Variants in CDC42BPA observed in about 807,000 individuals in gnomAD.
CDC42BPA encodes the protein CDC42 binding protein kinase alpha, also known as serine/threonine-protein kinase MRCK alpha.
In CDC42BPA, 80 loss-of-function variants were observed where a neutral mutation model predicts 223.5. That is an observed-to-expected ratio of 0.36 (90% confidence interval 0.30 to 0.43). The LOEUF is 0.43. Ranked by LOEUF, CDC42BPA falls within the 20% of genes least tolerant of loss-of-function variation. CDC42BPA has a pLI of 1.00. For synonymous variants in CDC42BPA, 694 were observed against 718.6 expected, an observed-to-expected ratio of 0.97 and a Z score of 0.55; for missense variants, 1,743 against 2,099.9, an observed-to-expected ratio of 0.83 and a Z score of 3.32.
At chr1:227,124,780 T>C (rs1417796536) in intron 11 of CDC42BPA, among the ~76,000 whole-genome samples, 1 of 152,150 alleles carries the variant, frequency 6.6e-6, no homozygotes, top group Non-Finnish European at 1.5e-5. Flanking sequence ...CCACTGAAGA[T>C]AGGTATGTTG....
At chr1:227,210,896 A>T (rs11810417) in intron 3 of CDC42BPA, among the ~76,000 whole-genome samples, 4,541 of 152,270 alleles carry the variant, frequency 0.03, 199 homozygotes, top group African/African-American at 0.1. Context: ...TAGTAGAGGC[A>T]GGTGTATAAA....
intron 1 of CDC42BPA, among the ~76,000 whole-genome samples, chr1:227,276,279 C>G (rs1244521213): frequency 1.3e-5 from 2 of 150,928 alleles, no homozygotes; most frequent in East Asian, 4.0e-4. Context: ...TGAGGAGCGT[C>G]TCTGCCCGAC....
At chr1:227,220,571 T>C (rs906251365) in intron 2 of CDC42BPA, among the ~76,000 whole-genome samples, 5 of 152,028 alleles carry the variant, frequency 3.3e-5, no homozygotes, top group African/African-American at 1.2e-4. Context: ...AACTATCCCA[T>C]TCCTGTCCTA....
At chr1:227,162,954 A>G (rs114999074) in intron 5 of CDC42BPA, among the ~76,000 whole-genome samples, 4 of 149,258 alleles carry the variant, frequency 2.7e-5, no homozygotes, top group Admixed American at 6.7e-5. Context: ...CCAAACATAT[A>G]TGTTTCCAAA....
chr1:227,315,511 G>A (rs1694228958), intron 1 of CDC42BPA, among the ~76,000 whole-genome samples: 1 of 151,532 alleles, frequency 6.6e-6, no homozygotes, highest in Non-Finnish European at 1.5e-5. Flanking sequence ...AGACTAGAGT[G>A]TCATTAAGGA....
intron 2 of CDC42BPA, among the ~76,000 whole-genome samples, chr1:227,247,007 C>A (rs911837040): frequency 6.6e-6 from 1 of 151,978 alleles, no homozygotes. Context: ...TCGAGACCAG[C>A]CTGGCCAACA....
intron 1 of CDC42BPA, among the ~76,000 whole-genome samples, chr1:227,258,173 C>CG (rs199606107): frequency 2.1e-4 from 19 of 89,780 alleles, no homozygotes; most frequent in African/African-American, 3.7e-4. Flanking sequence ...AAACCCTGTC[C>CG]GGGAAAAAAA....
At chr1:227,201,481 T>C (rs1036645506) in intron 3 of CDC42BPA, among the ~76,000 whole-genome samples, 1 of 152,170 alleles carries the variant, frequency 6.6e-6, no homozygotes, top group Non-Finnish European at 1.5e-5. Flanking sequence ...TGTAATACAT[T>C]AACTAAAAAG....
At chr1:227,164,442 AT>A (rs1191691387) in intron 5 of CDC42BPA, among the ~76,000 whole-genome samples, 1 of 152,210 alleles carries the variant, frequency 6.6e-6, no homozygotes, top group Non-Finnish European at 1.5e-5. Context: ...GTTATGAATT[AT>A]TTTCCACAGA....
In CDC42BPA at chr1:227,091,964, A is replaced by G; in HGVS notation, c.2277T>C (p.Ser759=). 2 of 1,604,480 alleles carry G rather than the reference A, an allele frequency of 1.2e-6. No homozygotes were observed. Among genetic ancestry groups the G allele is most frequent in the Non-Finnish European group, 1.7e-6 (2 of 1,175,122 alleles). Residue 759 remains serine (S), a synonymous_variant, in exon 16 of 37, where the codon AGT becomes AGC. Coordinates refer to ENST00000366766, the MANE Select transcript of CDC42BPA (RefSeq NM_001394014.1). The part of the protein sequence containing the change: ...ESQSEREEFE[S]EFKQQYEREK... ...CTCGTTCATATTGTTGTTTGAACTCACTTTCAAATTCCTCCCTTTCACTTT... is the reference window on the plus strand; with the variant it reads ...CTCGTTCATATTGTTGTTTGAACTCGCTTTCAAATTCCTCCCTTTCACTTT...
At chr1:227,168,928 T>C (rs1352040505) in intron 5 of CDC42BPA, among the ~76,000 whole-genome samples, 1 of 152,154 alleles carries the variant, frequency 6.6e-6, no homozygotes, top group South Asian at 2.1e-4. Context: ...TACATGTACA[T>C]AAAACCTTGT....
chr1:227,201,104 C>T (rs796349447), intron 3 of CDC42BPA, among the ~76,000 whole-genome samples: 4 of 151,282 alleles, frequency 2.6e-5, no homozygotes, highest in African/African-American at 9.7e-5. Flanking sequence ...AAAGTATATC[C>T]CGAAGAACCT....
At chr1:227,079,627 A>G (rs568570933) in intron 17 of CDC42BPA, among the ~76,000 whole-genome samples, 13 of 152,248 alleles carry the variant, frequency 8.5e-5, no homozygotes, top group African/African-American at 3.1e-4. Context: ...TGAACCAATA[A>G]CTGTACTGTC....
At chr1:227,034,554 A>T in intron 26 of CDC42BPA, 101 bp downstream of exon 26, 1 of 1,049,394 alleles carries the variant, frequency 9.5e-7, no homozygotes, top group Non-Finnish European at 1.4e-6. Flanking sequence ...ATACGAAATT[A>T]GTTCATTTAA....
intron 2 of CDC42BPA, among the ~76,000 whole-genome samples, chr1:227,253,539 T>C (rs527999512): frequency 6.6e-6 from 1 of 152,146 alleles, no homozygotes; most frequent in African/African-American, 2.4e-5. Flanking sequence ...GAGGTTGTAG[T>C]GAGCCAAGAT....
At chr1:227,113,353 G>C (rs1687237587) in intron 12 of CDC42BPA, among the ~76,000 whole-genome samples, 1 of 152,218 alleles carries the variant, frequency 6.6e-6, no homozygotes, top group Admixed American at 6.5e-5. Flanking sequence ...ACTTAGAGGA[G>C]AGCTAAAGTG....
intron 2 of CDC42BPA, among the ~76,000 whole-genome samples, chr1:227,253,597 A>AAAATAAATAAATAAAT (rs368265961): frequency 6.8e-6 from 1 of 148,002 alleles, no homozygotes; most frequent in Non-Finnish European, 1.5e-5. Flanking sequence ...CTCCATCTCA[A>AAAATAAATAAATAAAT]AAATAAATAA....
intron 34 of CDC42BPA, among the ~76,000 whole-genome samples, chr1:227,015,422 C>CAA (rs139422080): frequency 6.6e-6 from 1 of 151,060 alleles, no homozygotes; most frequent in Non-Finnish European, 1.5e-5. Flanking sequence ...GACTCCATCT[C>CAA]AAAAAAAGAA....
At chr1:227,053,547 T>C (rs1052005153) in intron 21 of CDC42BPA, among the ~76,000 whole-genome samples, 1 of 152,164 alleles carries the variant, frequency 6.6e-6, no homozygotes, top group Non-Finnish European at 1.5e-5. Context: ...ATGTGGCTGA[T>C]TTCATGAAAC....
Sources: gnomAD v4.1 joint callset for allele counts (sites outside exome capture counted in the v4.1 genomes callset) on GRCh38, gnomAD v4.1.1 for gene constraint, MANE v1.5 for transcripts, NCBI Gene and HGNC (gene_info 2026-07-23, HGNC 2026-07-21) for gene names.